SFI1: variants seen among roughly 807,000 people sequenced by gnomAD.
SFI1 encodes the protein SFI1 centrin binding protein.
A neutral mutation model predicts 207.5 loss-of-function variants in SFI1; 195 were observed. That is an observed-to-expected ratio of 0.94 (90% CI 0.84 to 1.06). SFI1 has a LOEUF of 1.06. Ranked by LOEUF, SFI1 falls within the 50% of genes least tolerant of loss-of-function variation. The pLI, the probability that SFI1 is intolerant of heterozygous loss-of-function variation, is 0.00. For missense variants in SFI1, 1,634 were observed against 1,588.0 expected, an observed-to-expected ratio of 1.03 and a Z score of -0.49; for synonymous variants, 630 against 598.9, an observed-to-expected ratio of 1.05 and a Z score of -0.76.
intron 4 of SFI1, among the ~76,000 whole-genome samples, chr22:31,539,382 C>A (rs560077466): frequency 6.6e-6 from 1 of 152,206 alleles, no homozygotes; most frequent in Non-Finnish European, 1.5e-5. Flanking sequence ...GACCAACCAA[C>A]TTTTTGTGTC....
At chr22:31,533,486 T>C (rs960998471) in intron 4 of SFI1, among the ~76,000 whole-genome samples, 4 of 152,122 alleles carry the variant, frequency 2.6e-5, no homozygotes, top group African/African-American at 4.8e-5. Context: ...GCCGAGATCA[T>C]GTGACTGTAC....
At chr22:31,584,734 C>T (rs1285852329) in intron 13 of SFI1, among the ~76,000 whole-genome samples, 1 of 152,040 alleles carries the variant, frequency 6.6e-6, no homozygotes, top group East Asian at 1.9e-4. Flanking sequence ...GGCAACATGT[C>T]GTGGACCCCC....
At chr22:31,519,991 C>G (rs2057017995) in intron 2 of SFI1, among the ~76,000 whole-genome samples, 1 of 151,776 alleles carries the variant, frequency 6.6e-6, no homozygotes, top group Admixed American at 6.6e-5. Flanking sequence ...GTCTTGAACT[C>G]CTGGGCTCAA....
chr22:31,541,480 G>A lies in SFI1; in HGVS notation c.339-5381G>A, dbSNP rs549873932. 2.6e-5 allele frequency among the ~76,000 whole-genome samples: 4 copies of A among 152,252 alleles called. No individual in the cohort carries two copies. In the East Asian group the frequency reaches 7.7e-4, roughly 29 times the overall value. ...TACAATTTTTTAGAATTGTAGGCCA[G>A]GCGTGGTTGCTTGCGCCTGTAATCC... On this transcript the variant is annotated intron_variant, in intron 4 of 32. Transcript: ENST00000400288.
chr22:31,555,941 G>T (rs949213692), intron 6 of SFI1, among the ~76,000 whole-genome samples: 13 of 152,100 alleles, frequency 8.5e-5, no homozygotes, highest in Admixed American at 3.3e-4. Context: ...TCCTAAAAAT[G>T]ATTTATATAA....
chr22:31,604,221 C>T (rs770236443), intron 18 of SFI1, 88 bp from the exon 19 acceptor site: 60 of 983,350 alleles, frequency 6.1e-5, no homozygotes, highest in Middle Eastern at 4.1e-4. Flanking sequence ...TACACTCACA[C>T]AGATGATGTA....
chr22:31,542,252 C>T (rs896472626), intron 4 of SFI1, among the ~76,000 whole-genome samples: 2 of 150,446 alleles, frequency 1.3e-5, no homozygotes, highest in Non-Finnish European at 2.9e-5. Flanking sequence ...TTTATGTATG[C>T]ATACACACAT....
At chr22:31,602,448 T>G (rs1337877394) in intron 16 of SFI1, among the ~76,000 whole-genome samples, 155 bp downstream of exon 16, 2 of 151,988 alleles carry the variant, frequency 1.3e-5, no homozygotes, top group East Asian at 3.9e-4. Flanking sequence ...GCATCTGTCC[T>G]TTCTCAGTGG....
intron 15 of SFI1, among the ~76,000 whole-genome samples, chr22:31,597,293 C>T (rs1316537961): frequency 2.0e-5 from 3 of 152,178 alleles, no homozygotes; most frequent in East Asian, 3.8e-4. Context: ...CAGAGGGCGA[C>T]TTGGAGACAG....
At chr22:31,548,407 T>C (rs1445394203) in intron 5 of SFI1, among the ~76,000 whole-genome samples, 1 of 150,460 alleles carries the variant, frequency 6.6e-6, no homozygotes, top group Non-Finnish European at 1.5e-5. Context: ...CTTGTCTCTA[T>C]TAAAAAACAA....
chr22:31,526,476 A>G (rs1002742315), intron 2 of SFI1, among the ~76,000 whole-genome samples: 8 of 152,202 alleles, frequency 5.3e-5, no homozygotes, highest in African/African-American at 1.9e-4. Flanking sequence ...ACCTTCCATG[A>G]GGTCCCTCCC....
intron 3 of SFI1, 113 bp downstream of exon 3, chr22:31,528,976 T>G: frequency 9.7e-7 from 1 of 1,033,378 alleles, no homozygotes; most frequent in Non-Finnish European, 1.4e-6. Context: ...GAGATCTTGA[T>G]GCCTGTTCTT....
chr22:31,593,437 T>C (rs2066473868), intron 15 of SFI1, among the ~76,000 whole-genome samples: 1 of 136,390 alleles, frequency 7.3e-6, no homozygotes, highest in Admixed American at 7.2e-5. Flanking sequence ...CTAGATGTGA[T>C]GGCGGCTGGG....
intron 2 of SFI1, among the ~76,000 whole-genome samples, chr22:31,516,500 G>A (rs981982591): frequency 6.7e-6 from 1 of 149,446 alleles, no homozygotes; most frequent in Non-Finnish European, 1.5e-5. Flanking sequence ...GCAACAGAGT[G>A]AAACTCTCAA....
chr22:31,523,744 G>A (rs948359198), intron 2 of SFI1, among the ~76,000 whole-genome samples: 8 of 152,044 alleles, frequency 5.3e-5, no homozygotes, highest in Admixed American at 3.9e-4. Context: ...TACAGGGGAG[G>A]ATACTGAGGG....
intron 2 of SFI1, among the ~76,000 whole-genome samples, chr22:31,515,264 A>G (rs2056321911): frequency 6.6e-6 from 1 of 152,056 alleles, no homozygotes; most frequent in African/African-American, 2.4e-5. Context: ...GCAGTGTATG[A>G]ACATGTTCAT....
At chr22:31,555,027 C>A (rs1164574135) in intron 6 of SFI1, among the ~76,000 whole-genome samples, 1 of 152,086 alleles carries the variant, frequency 6.6e-6, no homozygotes, top group Non-Finnish European at 1.5e-5. Flanking sequence ...GAGAACAAGA[C>A]TTAGTATGAT....
chr22:31,583,737 T>C lies in SFI1; in HGVS notation c.1249-138T>C, dbSNP rs1603209258. The C allele has an allele frequency of 4.1e-6, 3 of 729,622 alleles. No individual in the cohort carries two copies. In the East Asian group the frequency reaches 7.4e-5, roughly 18 times the overall value. 45.2% of individuals were successfully genotyped at this position (729,622 alleles called of 1,614,324 possible). On this transcript the variant is annotated intron_variant, in intron 12 of 32. Transcript: ENST00000400288. ...GCTCTATAGTTGAGCCCTCATTAAT[T>C]TGTATGCCCACTGTATGTTGGCTGC...
chr22:31,592,360 A>AC (rs1424012211), intron 15 of SFI1, among the ~76,000 whole-genome samples: 10 of 53,494 alleles, frequency 1.9e-4, no homozygotes, highest in East Asian at 6.4e-4. Context: ...AGGGGGGCTG[A>AC]CCCCCCCCAC....
Sources: allele counts gnomAD v4.1 joint callset (sites outside exome capture counted in the v4.1 genomes callset), GRCh38; gene constraint gnomAD v4.1.1; transcripts MANE v1.5; gene names NCBI Gene and HGNC (gene_info 2026-07-23, HGNC 2026-07-21).